Variants in CEP112 observed in about 807,000 individuals in gnomAD.
The protein encoded by CEP112 is centrosomal protein of 112 kDa.
CEP112 carries 127 observed loss-of-function variants against 153.0 expected under a neutral mutation model. The observed-to-expected ratio is 0.83, with a 90% CI of 0.72 to 0.96. CEP112 has a LOEUF of 0.96. CEP112 is among the 40% of genes least tolerant of loss of function. The pLI, the probability that CEP112 is intolerant of heterozygous loss-of-function variation, is 0.00. For synonymous variants in CEP112, 358 were observed against 374.4 expected (o/e 0.96, Z 0.51); for missense variants, 1,089 against 1,101.2 (o/e 0.99, Z 0.16).
intron 18 of CEP112, among the ~76,000 whole-genome samples, chr17:65,955,914 A>C (rs2061986962): frequency 6.6e-6 from 1 of 152,170 alleles, no homozygotes; most frequent in Admixed American, 6.5e-5. Context: ...GGGGAGTTTA[A>C]TACTCCACTG....
intron 18 of CEP112, among the ~76,000 whole-genome samples, chr17:65,957,439 A>G (rs2062039893): frequency 6.6e-6 from 1 of 152,162 alleles, no homozygotes; most frequent in Non-Finnish European, 1.5e-5. Context: ...TGCCTTTAGC[A>G]TGCAAAAATA....
chr17:65,767,054 T>C (rs1285188413), intron 21 of CEP112, among the ~76,000 whole-genome samples: 1 of 152,100 alleles, frequency 6.6e-6, no homozygotes, highest in African/African-American at 2.4e-5. Flanking sequence ...ATGGGCTATA[T>C]ATAACTTTCT....
At chr17:65,711,461 C>A (rs927716794) in intron 23 of CEP112, among the ~76,000 whole-genome samples, 2 of 152,096 alleles carry the variant, frequency 1.3e-5, no homozygotes, top group East Asian at 1.9e-4. Flanking sequence ...CATATAAGAG[C>A]TCAATAGATG....
At chr17:65,977,049 A>C (rs2063064556) in intron 17 of CEP112, among the ~76,000 whole-genome samples, 1 of 152,130 alleles carries the variant, frequency 6.6e-6, no homozygotes, top group African/African-American at 2.4e-5. Context: ...CTTTTTAAAC[A>C]AATGTTTAAA....
chr17:65,643,464 A>ATT (rs35436538), intron 24 of CEP112, among the ~76,000 whole-genome samples: 5 of 146,720 alleles, frequency 3.4e-5, no homozygotes, highest in African/African-American at 1.0e-4. Flanking sequence ...CACCTGGCTA[A>ATT]TTTTTTTTTT....
intron 23 of CEP112, among the ~76,000 whole-genome samples, chr17:65,691,781 A>G (rs1357108409): frequency 2.0e-5 from 3 of 152,168 alleles, no homozygotes; most frequent in Non-Finnish European, 4.4e-5. Flanking sequence ...GAAAGTAATG[A>G]TTACTGTATT....
Position 65,735,032 on chromosome 17 carries a change from T to C in CEP112, c.2607+8036A>G, listed in dbSNP as rs534907170. 1.1e-3 allele frequency among the ~76,000 whole-genome samples: 173 copies of C among 152,342 alleles called. 1 individual carries two copies. Among genetic ancestry groups the C allele is most frequent in the African/African-American group, 4.0e-3 (168 of 41,586 alleles). ...ATCTTCCAAATGTTGATACACTTCA[T>C]TCTCTTCCTTCCCCTTTCTTCCCAT... On this transcript the variant is annotated intron_variant, in intron 23 of 26. Transcript: ENST00000535342.
chr17:65,850,686 T>C (rs919459258), intron 21 of CEP112, among the ~76,000 whole-genome samples: 3 of 152,098 alleles, frequency 2.0e-5, no homozygotes, highest in Admixed American at 6.6e-5. Flanking sequence ...CTTCCTCTAC[T>C]CATAGAGAGT....
chr17:65,874,683 ATCTG>A (rs1054070134), intron 20 of CEP112, among the ~76,000 whole-genome samples: 4 of 152,220 alleles, frequency 2.6e-5, no homozygotes, highest in African/African-American at 9.6e-5. Flanking sequence ...TTTTGACTCA[ATCTG>A]TCTTTGATTG....
Position 66,013,319 on chromosome 17 carries a change from TG to T in CEP112, c.1657-7551del, listed in dbSNP as rs370908225. On this transcript the variant is annotated intron_variant, in intron 16 of 26. Transcript: ENST00000535342. ...TTTTGAGTTGCCAGAGTTCTTGCTC[TG>T]GTTCTTTCTCATCTGTGTGGGCTCA... is the stretch of plus-strand genomic sequence containing the variant. 5.5e-4 allele frequency among the ~76,000 whole-genome samples: 84 copies of T among 152,354 alleles called. 2 individuals are homozygous for T. The East Asian group carries it at 0.013, about 24-fold the overall frequency.
chr17:65,995,211 C>T (rs8081345), intron 17 of CEP112, among the ~76,000 whole-genome samples: 9,794 of 151,874 alleles, frequency 0.064, 455 homozygotes, highest in African/African-American at 0.12. Context: ...CCATTCCTCT[C>T]GGAATTCTAA....
chr17:66,058,143 T>A (rs1486369436), intron 11 of CEP112, among the ~76,000 whole-genome samples: 1 of 130,356 alleles, frequency 7.7e-6, no homozygotes, highest in Non-Finnish European at 1.6e-5. Flanking sequence ...CATCCACTAT[T>A]TATTGTATAA....
In CEP112 at chr17:65,922,130, C is replaced by T. The variant is rs927945858; in HGVS notation, c.1980+5452G>A. Among the ~76,000 whole-genome samples, 5 of 151,968 alleles carry T rather than the reference C, an allele frequency of 3.3e-5. No individual in the cohort carries two copies. The East Asian group carries it at 9.6e-4, about 29-fold the overall frequency. On this transcript the variant is annotated intron_variant, in intron 19 of 26. Transcript: ENST00000535342. ...AGTACCAATTTCACTAAACTTTTAC[C>T]GACTTTAGATGGCACATCATGGTTA... is the stretch of plus-strand genomic sequence containing the variant.
At chr17:66,147,170 C>T (rs2146651415) in intron 4 of CEP112, among the ~76,000 whole-genome samples, 1 of 144,236 alleles carries the variant, frequency 6.9e-6, no homozygotes, top group South Asian at 2.4e-4. Context: ...CTCACCAACA[C>T]TTTTTTTTTC....
chr17:66,048,284 A>C (rs2066297638), intron 12 of CEP112, among the ~76,000 whole-genome samples: 1 of 152,164 alleles, frequency 6.6e-6, no homozygotes, highest in African/African-American at 2.4e-5. Flanking sequence ...TGAAGCTGTA[A>C]TAGAGATGAC....
At chr17:65,844,867 A>T (rs2146252341) in intron 21 of CEP112, among the ~76,000 whole-genome samples, 1 of 152,014 alleles carries the variant, frequency 6.6e-6, no homozygotes, top group East Asian at 1.9e-4. Flanking sequence ...ACAAAAAATT[A>T]GCCGGGCATG....
At chr17:66,134,878 G>T (rs2070366517) in intron 4 of CEP112, among the ~76,000 whole-genome samples, 1 of 152,162 alleles carries the variant, frequency 6.6e-6, no homozygotes, top group Non-Finnish European at 1.5e-5. Context: ...ATCATTCAGA[G>T]ATCTCCTTCA....
chr17:65,916,618 C>T (rs1005508698), intron 19 of CEP112, among the ~76,000 whole-genome samples: 1 of 151,560 alleles, frequency 6.6e-6, no homozygotes, highest in African/African-American at 2.4e-5. Context: ...GCTATCAAAG[C>T]TCACTGTAAC....
chr17:66,005,722 T>C lies in CEP112; in HGVS notation c.1704A>G (p.Gln568=). ...CTTCCTCAAATTTATGAATTTTCTTTTGAGTATCTTCTTTTCCTTTATCAA... is the reference window on the plus strand; with the variant it reads ...CTTCCTCAAATTTATGAATTTTCTTCTGAGTATCTTCTTTTCCTTTATCAA... The part of the protein sequence containing the change: ...SELDKGKEDT[Q]KKIHKFEEAL... The change falls in exon 17 of 27, where the codon CAA becomes CAG. Residue 568 remains glutamine (Q), a synonymous_variant. Coordinates refer to ENST00000535342, the MANE Select transcript of CEP112 (RefSeq NM_001199165.4). The C allele has an allele frequency of 6.2e-7, 1 of 1,610,402 alleles. No homozygotes were observed. The highest frequency in any genetic ancestry group is 8.5e-7 in the Non-Finnish European group (1 of 1,178,974).
Sources: gnomAD v4.1 joint callset for allele counts (sites outside exome capture counted in the v4.1 genomes callset) on GRCh38, gnomAD v4.1.1 for gene constraint, MANE v1.5 for transcripts, NCBI Gene and HGNC (gene_info 2026-07-23, HGNC 2026-07-21) for gene names.